Variants in DPP3 observed in about 807,000 individuals in gnomAD.
The protein encoded by DPP3 is dipeptidyl peptidase 3.
In DPP3, 64 loss-of-function variants were observed where a neutral mutation model predicts 89.8. The observed-to-expected ratio is 0.71, with a 90% CI of 0.58 to 0.88. The LOEUF (loss-of-function observed/expected upper bound fraction) is 0.88. Ranked by LOEUF, DPP3 falls within the 40% of genes least tolerant of loss-of-function variation. DPP3 has a pLI of 0.00. For missense variants in DPP3, 835 were observed against 972.5 expected (o/e 0.86, Z 1.88); for synonymous variants, 377 against 404.3 (o/e 0.93, Z 0.81).
At chr11:66,495,048 T>C (rs1268192128) in intron 12 of DPP3, among the ~76,000 whole-genome samples, 158 bp from the exon 13 acceptor site, 1 of 152,206 alleles carries the variant, frequency 6.6e-6, no homozygotes, top group African/African-American at 2.4e-5. Flanking sequence ...GGCTCAGGGC[T>C]GTGCAGGCGT....
At position 66,491,343 on chromosome 11, in the gene DPP3, C is replaced by T. The variant is rs142252193; in HGVS notation, c.758C>T (p.Pro253Leu). Reference protein sequence around the residue: ...PFQVTRGDYAPILQKVVEQLE... With the variant: ...PFQVTRGDYALILQKVVEQLE... ...CAGGTGACCCGGGGGGACTACGCGC[C>T]CATCCTCCAGAAGGTGGTGGAGCAG... Residue 253 changes from proline to leucine, a missense_variant, in exon 7 of 18, where the codon CCC (proline) becomes CTC (leucine). By Grantham distance (98) the Pro-to-Leu change is moderately conservative. Transcript: ENST00000531863. 326 of 1,614,020 alleles carry T rather than the reference C, an allele frequency of 2.0e-4. No individual in the cohort carries two copies. Among genetic ancestry groups the T allele is most frequent in the Non-Finnish European group, 2.4e-4 (286 of 1,180,006 alleles).
At chr11:66,480,517 C>T (rs1855043749) in intron 1 of DPP3, 52 bp downstream of exon 1, 6 of 1,468,944 alleles carry the variant, frequency 4.1e-6, no homozygotes, top group Admixed American at 2.6e-5. Flanking sequence ...TCCCGGGGGA[C>T]CAAGGCGAAT....
chr11:66,502,960 T>C (rs908998352), intron 16 of DPP3, among the ~76,000 whole-genome samples: 4 of 151,718 alleles, frequency 2.6e-5, no homozygotes, highest in African/African-American at 9.7e-5. Context: ...TAAGAAATGT[T>C]TTATTTTATT....
intron 12 of DPP3, among the ~76,000 whole-genome samples, chr11:66,494,293 C>T (rs1028477331): frequency 6.6e-6 from 1 of 152,076 alleles, no homozygotes; most frequent in African/African-American, 2.4e-5. Context: ...TGAGGTGTGG[C>T]CCCTCCCCTC....
intron 16 of DPP3, among the ~76,000 whole-genome samples, chr11:66,497,931 ATTTG>A (rs1412799984): frequency 3.3e-5 from 5 of 151,106 alleles, no homozygotes; most frequent in East Asian, 1.9e-4. Flanking sequence ...TTATTTATTT[ATTTG>A]TTTGTTTATT....
rs1013233325 is a variant in DPP3, at chr11:66,493,309, T to C, written c.1296+130T>C. 35 of 872,104 alleles carry C rather than the reference T, an allele frequency of 4.0e-5. No individual in the cohort carries two copies. In the East Asian group the frequency reaches 7.4e-4, roughly 19 times the overall value. 54.0% of individuals were successfully genotyped at this position (872,104 alleles called of 1,614,324 possible). ...TCCTGGCTCTGCCACTTCCCAACCA[T>C]GTGACCGTGTGGACTTTGGAGCCTC... On this transcript the variant is annotated intron_variant, in intron 11 of 17. Coordinates refer to ENST00000531863, the MANE Select transcript of DPP3 (RefSeq NM_130443.4).
intron 17 of DPP3, among the ~76,000 whole-genome samples, chr11:66,505,544 C>G (rs112595534): frequency 2.0e-5 from 3 of 152,310 alleles, no homozygotes; most frequent in African/African-American, 7.2e-5. Context: ...TAAGTGCTTT[C>G]TGGGGATTAA....
chr11:66,495,021 G>T (rs1005829363), intron 12 of DPP3, among the ~76,000 whole-genome samples, 185 bp from the exon 13 acceptor site: 8 of 152,230 alleles, frequency 5.3e-5, no homozygotes, highest in African/African-American at 1.7e-4. Context: ...GCTCTGAGGA[G>T]GCAGCCAGCG....
At chr11:66,493,680 T>C (rs1292424991) in intron 12 of DPP3, 47 bp downstream of exon 12, 1 of 1,552,360 alleles carries the variant, frequency 6.4e-7, no homozygotes, top group Non-Finnish European at 8.7e-7. Context: ...ACAGCTCCAC[T>C]CCCCACAACC....
At chr11:66,499,012 A>G (rs1855614209) in intron 16 of DPP3, among the ~76,000 whole-genome samples, 1 of 152,068 alleles carries the variant, frequency 6.6e-6, no homozygotes, top group Non-Finnish European at 1.5e-5. Flanking sequence ...TTCTGTCTCT[A>G]AAAGAAAAAG....
At chr11:66,492,576 TG>T in intron 9 of DPP3, 139 bp from the exon 10 acceptor site, 1 of 1,014,664 alleles carries the variant, frequency 9.9e-7, no homozygotes, top group Non-Finnish European at 1.4e-6. Context: ...GGCCCAGGCC[TG>T]GGTCACTGCT....
rs1855103544 is a variant in DPP3 at position 66,482,204 on chromosome 11, G to A, written c.4G>A (p.Ala2Thr). 1 of 1,613,986 alleles carries A rather than the reference G, an allele frequency of 6.2e-7. No individual in the cohort carries two copies. The highest frequency in any genetic ancestry group is 1.1e-5 in the South Asian group (1 of 91,072). Residue 2 changes from alanine to threonine, a missense_variant, in exon 2 of 18, where the codon GCG becomes ACG. Coordinates refer to ENST00000531863, the MANE Select transcript of DPP3 (RefSeq NM_130443.4). Reference protein sequence around the residue: MADTQYILPNDI... With the variant: MTDTQYILPNDI... The stretch of plus-strand genomic sequence containing the variant: ...GTGATGGTTCTCAGCAGGGCCCATG[G>A]CGGACACCCAGTACATCCTGCCCAA...
At chr11:66,505,007 G>T (rs1855766632) in intron 17 of DPP3, among the ~76,000 whole-genome samples, 2 of 152,134 alleles carry the variant, frequency 1.3e-5, no homozygotes, top group African/African-American at 4.8e-5. Flanking sequence ...GTAAGACAGT[G>T]ACAGAAGATT....
At chr11:66,482,000 T>C (rs1211015900) in intron 1 of DPP3, 193 bp from the exon 2 acceptor site, 1 of 722,770 alleles carries the variant, frequency 1.4e-6, no homozygotes, top group East Asian at 2.7e-5. Flanking sequence ...GGTCCACCAG[T>C]GTATTTTGTG....
intron 6 of DPP3, among the ~76,000 whole-genome samples, chr11:66,489,171 C>G (rs1407215995): frequency 6.6e-6 from 1 of 152,110 alleles, no homozygotes; most frequent in Admixed American, 6.6e-5. Context: ...TGGCCCCTGT[C>G]CAGGTCTTTG....
At position 66,495,699 on chromosome 11, in the gene DPP3, C is replaced by T. The variant is rs192844889; in HGVS notation, c.1647C>T (p.Ala549=). The T allele has an allele frequency of 6.2e-5, 100 of 1,612,554 alleles. 1 individual carries two copies. In the South Asian group the frequency reaches 9.6e-4, roughly 15 times the overall value. The part of the protein sequence containing the change: ...IYVNWLNMVR[A]GLLALEFYTP... ...TGAACTGGCTCAACATGGTTCGGGC[C>T]GGGCTGCTCGCTCTGGAGTTCTACA... Residue 549 remains alanine, a synonymous_variant, in exon 15 of 18, where the codon GCC becomes GCT. Transcript: ENST00000531863.
chr11:66,501,366 A>T (rs1187167355), intron 16 of DPP3, among the ~76,000 whole-genome samples: 1 of 151,964 alleles, frequency 6.6e-6, no homozygotes, highest in Admixed American at 6.6e-5. Context: ...CGTCTCAAAA[A>T]AAAAAAGCAC....
At position 66,482,264 on chromosome 11, in the gene DPP3, G is replaced by A. The variant is rs199998254; in HGVS notation, c.64G>A (p.Ala22Thr). The A allele has an allele frequency of 5.1e-5, 83 of 1,614,180 alleles. 1 individual carries two copies. In the South Asian group the frequency reaches 5.7e-4, roughly 11 times the overall value. Residue 22 changes from alanine (A) to threonine (T), a missense_variant, in exon 2 of 18, where the codon GCC becomes ACC. Physicochemically the swap from Ala to Thr is moderately conservative, Grantham distance 58. Coordinates refer to ENST00000531863, the MANE Select transcript of DPP3 (RefSeq NM_130443.4). ...CGTGTCTAGCCTGGACTGCCGTGAG[G>A]CCTTCCGCCTGCTGTCACCCACAGA... ...IGVSSLDCRE[A>T]FRLLSPTERL...
chr11:66,504,514 CTG>C, intron 16 of DPP3, 96 bp from the exon 17 acceptor site: 2 of 1,345,966 alleles, frequency 1.5e-6, no homozygotes, highest in Non-Finnish European at 2.0e-6. Context: ...ATAGCACAGA[CTG>C]TCCAGGGCTG....
Sources: allele counts gnomAD v4.1 joint callset (sites outside exome capture counted in the v4.1 genomes callset), GRCh38; gene constraint gnomAD v4.1.1; transcripts MANE v1.5; gene names NCBI Gene and HGNC (gene_info 2026-07-23, HGNC 2026-07-21).